Variants in APBA2 observed in about 807,000 individuals in gnomAD.
APBA2 encodes amyloid-beta A4 precursor protein-binding family A member 2.
In APBA2, 30 loss-of-function variants were observed where a neutral mutation model predicts 75.0. That is an observed-to-expected ratio of 0.40 (90% CI 0.30 to 0.54). APBA2 has a LOEUF of 0.54. Among genes scored for constraint, APBA2 ranks in the 20% least tolerant of loss-of-function variants. The pLI is 0.49. For synonymous variants in APBA2, 444 were observed against 409.6 expected (o/e 1.08, Z -1.01); for missense variants, 801 against 1,016.1 (o/e 0.79, Z 2.88).
intron 13 of APBA2, among the ~76,000 whole-genome samples, chr15:29,112,594 G>T (rs186716139): frequency 7.3e-4 from 111 of 152,228 alleles, no homozygotes; most frequent in African/African-American, 2.5e-3. Context: ...GCTGCCTTGC[G>T]GTATGGAATC....
Position 29,050,314 on chromosome 15 carries a change from A to G in APBA2, c.-40-3531A>G, listed in dbSNP as rs146785548. On this transcript the variant is annotated intron_variant, in intron 3 of 14. Transcript: ENST00000683413. ...TTCTATGTGAGATCAGAGCCATTTT[A>G]TAGATACAAAAGAGTTACCTCCTAA... 2.9e-3 allele frequency among the ~76,000 whole-genome samples: 439 copies of G among 152,380 alleles called. 1 individual carries two copies. Among genetic ancestry groups the G allele is most frequent in the Non-Finnish European group, 5.0e-3 (342 of 68,036 alleles).
intron 3 of APBA2, among the ~76,000 whole-genome samples, chr15:29,003,837 C>T (rs2038975364): frequency 6.6e-6 from 1 of 152,220 alleles, no homozygotes; most frequent in Non-Finnish European, 1.5e-5. Flanking sequence ...GATCCAGACC[C>T]AGACAGATTG....
At chr15:28,978,188 G>A (rs2037440917) in intron 2 of APBA2, among the ~76,000 whole-genome samples, 1 of 152,218 alleles carries the variant, frequency 6.6e-6, no homozygotes, top group Non-Finnish European at 1.5e-5. Flanking sequence ...GTTTGCCAAA[G>A]GAAGGTCTGG....
chr15:29,054,772 C>T lies in APBA2; in HGVS notation c.888C>T (p.Pro296=). ...CCGAGGCCAAGCACCCCGGAGACCCCCAGAGAGGCTTCAAGCCCAAGACCA... is the reference window on the plus strand; with the variant it reads ...CCGAGGCCAAGCACCCCGGAGACCCTCAGAGAGGCTTCAAGCCCAAGACCA... The part of the protein sequence containing the change: ...LLPEAKHPGD[P]QRGFKPKTRT... The change falls in exon 4 of 15, where the codon CCC becomes CCT. Residue 296 remains proline (P), a synonymous_variant. Transcript: ENST00000683413. This position sits in a 1 kb window ranked among gnomAD's most constrained non-coding sequence, Gnocchi z 6.1. 6.2e-7 allele frequency: 1 copy of T among 1,605,406 alleles called. No homozygotes were observed. The highest frequency in any genetic ancestry group is 8.5e-7 in the Non-Finnish European group (1 of 1,179,972).
intron 2 of APBA2, among the ~76,000 whole-genome samples, chr15:28,951,414 G>T (rs2035864988): frequency 6.6e-6 from 1 of 152,064 alleles, no homozygotes; most frequent in Non-Finnish European, 1.5e-5. Flanking sequence ...AGCTATTTCT[G>T]CAAGGATCCC....
Position 29,075,083 on chromosome 15 carries a change from C to T in APBA2, c.1032+82C>T, listed in dbSNP as rs1350897486. The stretch of plus-strand genomic sequence containing the variant: ...GGCCCACCGAGTTGTGGTCTGCTCA[C>T]TTTGTCCATGATGTTCTCATCCCAC... On this transcript the variant is annotated intron_variant, in intron 5 of 14. Coordinates refer to ENST00000683413, the MANE Select transcript of APBA2 (RefSeq NM_001353788.2). 2.7e-5 allele frequency: 28 copies of T among 1,054,396 alleles called. No individual in the cohort carries two copies. In the Admixed American group the frequency reaches 2.7e-4, roughly 10 times the overall value. The allele number at this position is 1,054,396 out of a possible 1,614,324, so 65.3% of individuals were successfully genotyped here.
intron 13 of APBA2, 23 bp downstream of exon 13, chr15:29,108,412 G>T: frequency 1.2e-6 from 2 of 1,613,772 alleles, no homozygotes; most frequent in South Asian, 1.1e-5. Context: ...TCCTGCTCTG[G>T]GCCACCACCA....
intron 6 of APBA2, among the ~76,000 whole-genome samples, chr15:29,083,618 C>A (rs1339846567): frequency 6.6e-6 from 1 of 152,130 alleles, no homozygotes; most frequent in Non-Finnish European, 1.5e-5. Flanking sequence ...GCAACCTTCG[C>A]CTTCTGGGTT....
chr15:28,958,817 T>C (rs1234595988), intron 2 of APBA2, among the ~76,000 whole-genome samples: 3 of 85,826 alleles, frequency 3.5e-5, no homozygotes, highest in Non-Finnish European at 5.3e-5. Context: ...TATTCCCAAC[T>C]TTTTTTTTTT....
chr15:28,944,006 C>T (rs2035392521), intron 2 of APBA2, among the ~76,000 whole-genome samples: 1 of 152,164 alleles, frequency 6.6e-6, no homozygotes, highest in African/African-American at 2.4e-5. Flanking sequence ...TGAACAGCCT[C>T]CTGCCCTAAA....
At chr15:28,905,803 A>C (rs1239418157) in intron 1 of APBA2, among the ~76,000 whole-genome samples, 1 of 152,236 alleles carries the variant, frequency 6.6e-6, no homozygotes, top group African/African-American at 2.4e-5. Flanking sequence ...CCCTGGCTCC[A>C]TCAATGGGGG....
rs2044333877 is a variant in APBA2 at position 29,105,228 on chromosome 15, G to C, written c.1525-151G>C. The C allele has an allele frequency of 4.0e-6, 3 of 744,114 alleles. No individual in the cohort carries two copies. In the Admixed American group the frequency reaches 8.1e-5, roughly 20 times the overall value. 46.1% of individuals were successfully genotyped at this position (744,114 alleles called of 1,614,324 possible). ...TTCATCAGATGAGGGAGGGCCCCCA[G>C]TTTCTTTCTTGTTCTTCTAAGCCCG... On this transcript the variant is annotated intron_variant, in intron 10 of 14. Transcript: ENST00000683413.
Position 28,986,113 on chromosome 15 carries a change from C to T in APBA2, c.-94-9640C>T, listed in dbSNP as rs4779667. Among the ~76,000 whole-genome samples, 416 of 152,336 alleles carry T rather than the reference C, an allele frequency of 2.7e-3. 1 individual carries two copies. The highest frequency in any genetic ancestry group is 9.6e-3 in the African/African-American group (397 of 41,566). On this transcript the variant is annotated intron_variant, in intron 2 of 14. Transcript: ENST00000683413. ...TGCCTCCTCTTCCCCTGCCCAGTTA[C>T]AATTCCCGGCGGCTCTCCAGCCCAT...
intron 2 of APBA2, among the ~76,000 whole-genome samples, chr15:28,943,937 C>T (rs984966620): frequency 6.6e-6 from 1 of 152,154 alleles, no homozygotes; most frequent in African/African-American, 2.4e-5. Flanking sequence ...GTGGCCGCTA[C>T]ACAGTGCCCT....
intron 2 of APBA2, among the ~76,000 whole-genome samples, chr15:28,923,895 C>T (rs1341849317): frequency 6.6e-6 from 1 of 152,246 alleles, no homozygotes. Context: ...GGCTCCTCAT[C>T]CCTGTGCTGC....
intron 1 of APBA2, among the ~76,000 whole-genome samples, chr15:28,900,080 C>G (rs2032759104): frequency 6.6e-6 from 1 of 152,010 alleles, no homozygotes; most frequent in South Asian, 2.1e-4. Flanking sequence ...GAGTTGGAGC[C>G]CCAGACAGGG....
intron 13 of APBA2, among the ~76,000 whole-genome samples, chr15:29,111,040 C>T (rs2044700666): frequency 6.6e-6 from 1 of 152,040 alleles, no homozygotes; most frequent in East Asian, 1.9e-4. Context: ...TCAGGGGGTG[C>T]AGGGTTGAGG....
intron 2 of APBA2, among the ~76,000 whole-genome samples, chr15:28,934,557 G>A (rs2034746382): frequency 6.6e-6 from 1 of 152,198 alleles, no homozygotes. Flanking sequence ...GTGGGAAGGC[G>A]GGAAACCAGG....
chr15:29,100,487 C>T (rs1488606381), intron 9 of APBA2, among the ~76,000 whole-genome samples: 1 of 152,178 alleles, frequency 6.6e-6, no homozygotes, highest in Non-Finnish European at 1.5e-5. Flanking sequence ...TTTTTTTGAG[C>T]TTTGTGTGCA....
Sources: allele counts gnomAD v4.1 joint callset (sites outside exome capture counted in the v4.1 genomes callset), GRCh38; gene constraint gnomAD v4.1.1; non-coding constraint Gnocchi (gnomAD v3.1); transcripts MANE v1.5; gene names NCBI Gene and HGNC (gene_info 2026-07-23, HGNC 2026-07-21).